COL11A1: variants seen among roughly 807,000 people sequenced by gnomAD.
The protein encoded by COL11A1 is collagen type XI alpha 1 chain.
A neutral mutation model predicts 265.2 loss-of-function variants in COL11A1; 74 were observed. That is an observed-to-expected ratio of 0.28 (90% CI 0.23 to 0.34). The LOEUF is 0.34. Among genes scored for constraint, COL11A1 ranks in the 10% least tolerant of loss-of-function variants. COL11A1 has a pLI of 1.00. For synonymous variants in COL11A1, 816 were observed against 727.6 expected (o/e 1.12, Z -1.96); for missense variants, 2,165 against 2,263.6 (o/e 0.96, Z 0.88).
Position 103,017,900 on chromosome 1 carries a change from A to C in COL11A1, c.1351-18T>G. ...ATAATACCCTATAGAGAAACACACC[A>C]TATCTTAATCAGATTCCTAATCTCA... On this transcript the variant is annotated intron_variant, in intron 10 of 66. Coordinates refer to ENST00000370096, the MANE Select transcript of COL11A1 (RefSeq NM_001854.4). The C allele has an allele frequency of 1.3e-6, 2 of 1,592,566 alleles. No homozygotes were observed. Among genetic ancestry groups the C allele is most frequent in the South Asian group, 2.2e-5 (2 of 90,596 alleles).
Position 103,012,398 on chromosome 1 carries a change from G to A in COL11A1, c.1629+15C>T, listed in dbSNP as rs756782336. The A allele has an allele frequency of 7.5e-6, 12 of 1,608,618 alleles. No homozygotes were observed. The highest frequency in any genetic ancestry group is 9.4e-6 in the Non-Finnish European group (11 of 1,175,254). On this transcript the variant is annotated intron_variant, in intron 14 of 66. Coordinates refer to ENST00000370096, the MANE Select transcript of COL11A1 (RefSeq NM_001854.4). ...GAAAATTTTAACATATATTATCTTT[G>A]TTGGGGTAACCTACCACAGGACCTG...
chr1:102,895,986 G>A (rs1168215078), intron 57 of COL11A1, among the ~76,000 whole-genome samples: 5 of 151,396 alleles, frequency 3.3e-5, no homozygotes, highest in African/African-American at 1.2e-4. Context: ...AAATTGATTG[G>A]TTTTCAACAT....
chr1:102,889,592 C>T, intron 58 of COL11A1, 30 bp from the exon 59 acceptor site: 1 of 1,447,330 alleles, frequency 6.9e-7, no homozygotes. Flanking sequence ...AAAATAATAA[C>T]ATGTACATTA....
chr1:103,015,599 T>A (rs1666497640), intron 12 of COL11A1, 69 bp downstream of exon 12: 1 of 1,192,018 alleles, frequency 8.4e-7, no homozygotes, highest in Non-Finnish European at 1.2e-6. Context: ...TCAATATGGT[T>A]CAACAATAAA....
chr1:103,035,472 AC>A (rs1668293312), intron 4 of COL11A1, among the ~76,000 whole-genome samples: 1 of 152,082 alleles, frequency 6.6e-6, no homozygotes, highest in Admixed American at 6.6e-5. Flanking sequence ...ATTCATCTTC[AC>A]GATAAATTTT....
At chr1:102,984,234 G>T in intron 30 of COL11A1, 43 bp from the exon 31 acceptor site, 4 of 1,254,250 alleles carry the variant, frequency 3.2e-6, no homozygotes, top group Non-Finnish European at 3.4e-6. Flanking sequence ...ATTTTAAGTT[G>T]AATTAAGCTT....
Position 103,022,774 on chromosome 1 carries a change from C to A in COL11A1, c.1213G>T (p.Val405Leu), listed in dbSNP as rs1408198066. Residue 405 changes from valine (V) to leucine (L), a missense_variant, in exon 8 of 67, where the codon GTA (valine) becomes TTA (leucine). Val to Leu is a conservative substitution (Grantham distance 32). Coordinates refer to ENST00000370096, the MANE Select transcript of COL11A1 (RefSeq NM_001854.4). ...TCTGTAATATCAGTTTCTGCTGGTA[C>A]ACCTGGACCAAATTCTTCATTAGGG... Reference protein sequence around the residue: ...SPPNEEFGPGVPAETDITETS... With the variant: ...SPPNEEFGPGLPAETDITETS... 1.9e-6 allele frequency: 3 copies of A among 1,613,662 alleles called. No individual in the cohort carries two copies. The highest frequency in any genetic ancestry group is 2.5e-6 in the Non-Finnish European group (3 of 1,179,952).
chr1:102,960,368 C>T (rs966849936), intron 41 of COL11A1, among the ~76,000 whole-genome samples: 12 of 151,764 alleles, frequency 7.9e-5, no homozygotes, highest in Non-Finnish European at 1.5e-4. Context: ...CTTCAGGCAC[C>T]GTATTTTGAG....
intron 28 of COL11A1, 106 bp downstream of exon 28, chr1:102,995,758 T>C: frequency 1.1e-6 from 1 of 900,802 alleles, no homozygotes; most frequent in Non-Finnish European, 1.8e-6. Context: ...CATTGCGTAG[T>C]ATGTAGTAAT....
At chr1:102,878,964 A>C (rs1649895644) in intron 66 of COL11A1, among the ~76,000 whole-genome samples, 1 of 152,140 alleles carries the variant, frequency 6.6e-6, no homozygotes, top group South Asian at 2.1e-4. Context: ...ATGAATATTT[A>C]ACAATAAACT....
intron 8 of COL11A1, among the ~76,000 whole-genome samples, 177 bp from the exon 9 acceptor site, chr1:103,021,946 AC>A (rs1404114918): frequency 1.3e-5 from 2 of 149,198 alleles, no homozygotes; most frequent in Non-Finnish European, 3.0e-5. Context: ...TGCCGGGTTC[AC>A]GCCATTCTCC....
intron 46 of COL11A1, among the ~76,000 whole-genome samples, chr1:102,925,495 A>G (rs1044206053): frequency 6.6e-6 from 1 of 152,102 alleles, no homozygotes; most frequent in African/African-American, 2.4e-5. Flanking sequence ...AACAAAAAAT[A>G]TGTACCAGAA....
At chr1:102,908,966 C>G (rs549138298) in intron 54 of COL11A1, among the ~76,000 whole-genome samples, 1 of 151,880 alleles carries the variant, frequency 6.6e-6, no homozygotes, top group South Asian at 2.1e-4. Flanking sequence ...AAAAATTTAC[C>G]AATTGCTTAC....
At chr1:102,926,092 T>C (rs1040504588) in intron 46 of COL11A1, among the ~76,000 whole-genome samples, 13 of 152,128 alleles carry the variant, frequency 8.5e-5, no homozygotes, top group Admixed American at 7.2e-4. Context: ...TTATTTTTAA[T>C]TCAGTTAGAT....
chr1:102,886,722 AT>A (rs1651025197), intron 63 of COL11A1, 84 bp downstream of exon 63: 5 of 1,549,646 alleles, frequency 3.2e-6, no homozygotes, highest in Middle Eastern at 1.7e-4. Flanking sequence ...TGTATTAAAC[AT>A]TTAACTAGAA....
rs74668286 is a variant in COL11A1, at chr1:102,935,629, T to A, written c.3439-516A>T. Among the ~76,000 whole-genome samples, 1,353 of 152,348 alleles carry A rather than the reference T, an allele frequency of 8.9e-3. 20 individuals are homozygous for A. The highest frequency in any genetic ancestry group is 0.031 in the African/African-American group (1,289 of 41,584). ...ATATATTAAGTACACCAGGACCTCTTATTTTGAGCAATAGTTTTCAAAAGA... is the reference window on the plus strand; with the variant it reads ...ATATATTAAGTACACCAGGACCTCTAATTTTGAGCAATAGTTTTCAAAAGA... On this transcript the variant is annotated intron_variant, in intron 44 of 66. Transcript: ENST00000370096.
rs184595676 is a variant in COL11A1, at chr1:103,058,366, C to A, written c.651+16252G>T. On this transcript the variant is annotated intron_variant, in intron 4 of 66. Transcript: ENST00000370096. Reference sequence around the variant, plus strand: ...TCTTCTATTAGACTACTCAAACTTTCTCCATATCAGCAATAAGACTGTTTT... The same window carrying A: ...TCTTCTATTAGACTACTCAAACTTTATCCATATCAGCAATAAGACTGTTTT... Among the ~76,000 whole-genome samples the A allele has an allele frequency of 2.0e-5, 3 of 152,286 alleles. No homozygotes were observed. In the East Asian group the frequency reaches 5.8e-4, roughly 29 times the overall value.
intron 4 of COL11A1, among the ~76,000 whole-genome samples, chr1:103,060,507 T>C (rs578040386): frequency 1.1e-4 from 16 of 152,278 alleles, no homozygotes; most frequent in South Asian, 2.1e-4. Context: ...CAATAATGGA[T>C]TTCACTGCAT....
intron 1 of COL11A1, 90 bp downstream of exon 1, chr1:103,107,983 A>C: frequency 1.2e-6 from 1 of 859,472 alleles, no homozygotes; most frequent in Non-Finnish European, 1.9e-6. Flanking sequence ...TTTCTTGAAG[A>C]GCGGGGAGGA....
Sources: gnomAD v4.1 joint callset for allele counts (sites outside exome capture counted in the v4.1 genomes callset) on GRCh38, gnomAD v4.1.1 for gene constraint, MANE v1.5 for transcripts, NCBI Gene and HGNC (gene_info 2026-07-23, HGNC 2026-07-21) for gene names.